The following TMEM132C variants were observed in gnomAD, a reference collection of about 807,000 sequenced individuals.
The protein encoded by TMEM132C is transmembrane protein 132C.
TMEM132C carries 29 observed loss-of-function variants against 61.4 expected under a neutral mutation model. The ratio of observed to expected loss-of-function variants is 0.47; its 90% confidence interval spans 0.35 to 0.64. The LOEUF (loss-of-function observed/expected upper bound fraction) is 0.64. Among genes scored for constraint, TMEM132C ranks in the 30% least tolerant of loss-of-function variants. The pLI is 0.00. For missense variants in TMEM132C, 1,408 were observed against 1,476.9 expected, an observed-to-expected ratio of 0.95 and a Z score of 0.76; for synonymous variants, 656 against 633.1, an observed-to-expected ratio of 1.04 and a Z score of -0.54.
chr12:128,390,568 C>A (rs1404232343), intron 1 of TMEM132C, among the ~76,000 whole-genome samples: 1 of 152,208 alleles, frequency 6.6e-6, no homozygotes, highest in Non-Finnish European at 1.5e-5. Flanking sequence ...GACTGGCCAC[C>A]TGCCTCCACC....
At chr12:128,435,636 G>A (rs896211847) in intron 2 of TMEM132C, among the ~76,000 whole-genome samples, 3 of 152,128 alleles carry the variant, frequency 2.0e-5, no homozygotes, top group Non-Finnish European at 4.4e-5. Context: ...ACTGCTCAAC[G>A]AAATAAAACA....
intron 2 of TMEM132C, among the ~76,000 whole-genome samples, chr12:128,506,951 T>C (rs1872383699): frequency 6.6e-6 from 1 of 152,148 alleles, no homozygotes; most frequent in African/African-American, 2.4e-5. Flanking sequence ...TCTTCAGCAT[T>C]GTGAACTAGT....
At chr12:128,614,095 C>T (rs1200701315) in intron 3 of TMEM132C, among the ~76,000 whole-genome samples, 1 of 152,152 alleles carries the variant, frequency 6.6e-6, no homozygotes, top group African/African-American at 2.4e-5. Context: ...AACCCTGGCC[C>T]CCCTACAAAC....
At chr12:128,496,114 A>G (rs1277480217) in intron 2 of TMEM132C, among the ~76,000 whole-genome samples, 3 of 152,046 alleles carry the variant, frequency 2.0e-5, no homozygotes, top group Non-Finnish European at 4.4e-5. Flanking sequence ...CTGGATATGA[A>G]ATTCTGGGTT....
rs10847662 is a variant in TMEM132C, at chr12:128,665,623, A to G, written c.1306-3794A>G. Reference sequence around the variant, plus strand: ...CACTCACACATACCCAAACACAGGCACACACACACACACACACACACCCAG... The same window carrying G: ...CACTCACACATACCCAAACACAGGCGCACACACACACACACACACACCCAG... On this transcript the variant is annotated intron_variant, in intron 4 of 8. Transcript: ENST00000435159. Among the ~76,000 whole-genome samples the G allele has an allele frequency of 1.6e-3, 165 of 100,324 alleles. 1 individual carries two copies. Among genetic ancestry groups the G allele is most frequent in the Middle Eastern group, 5.5e-3 (1 of 182 alleles). The allele number at this position is 100,324 out of a possible 152,430, so 65.8% of individuals were successfully genotyped here.
intron 2 of TMEM132C, among the ~76,000 whole-genome samples, chr12:128,453,988 GAGGCAAAAGACC>G (rs1480900367): frequency 6.6e-6 from 1 of 152,184 alleles, no homozygotes; most frequent in Non-Finnish European, 1.5e-5. Flanking sequence ...GGTACAGAAG[GAGGCAAAAGACC>G]TAACATGAAA....
At chr12:128,493,616 C>A (rs1370276195) in intron 2 of TMEM132C, among the ~76,000 whole-genome samples, 2 of 152,058 alleles carry the variant, frequency 1.3e-5, no homozygotes, top group Admixed American at 6.6e-5. Context: ...GAAGCAATTG[C>A]AAATTGGAGT....
Position 128,375,883 on chromosome 12 carries a change from G to A in TMEM132C, c.86-38849G>A, listed in dbSNP as rs114009119. On this transcript the variant is annotated intron_variant, in intron 1 of 8. Transcript: ENST00000435159. ...GCAAGAGCGAGGGTGGCATATCCAG[G>A]GTGGCCACTGGGTCTGGAGTGTCAG... 9.9e-3 allele frequency among the ~76,000 whole-genome samples: 1,505 copies of A among 152,296 alleles called. 18 individuals are homozygous for A. The highest frequency in any genetic ancestry group is 0.033 in the African/African-American group (1,391 of 41,548).
chr12:128,345,029 A>C (rs1462228874), intron 1 of TMEM132C, among the ~76,000 whole-genome samples: 1 of 149,902 alleles, frequency 6.7e-6, no homozygotes, highest in African/African-American at 2.5e-5. Flanking sequence ...TCCAGCATCC[A>C]TTAGCTATTC....
chr12:128,575,243 G>T (rs914308212), intron 3 of TMEM132C, among the ~76,000 whole-genome samples: 1 of 152,308 alleles, frequency 6.6e-6, no homozygotes, highest in Admixed American at 6.5e-5. Context: ...ACTTTGGGGG[G>T]GCCAAGGCAG....
At chr12:128,645,447 G>C (rs186893306) in intron 4 of TMEM132C, among the ~76,000 whole-genome samples, 1 of 152,234 alleles carries the variant, frequency 6.6e-6, no homozygotes, top group East Asian at 1.9e-4. Context: ...ATTCTGTGGG[G>C]CACCCGAGAT....
intron 3 of TMEM132C, among the ~76,000 whole-genome samples, chr12:128,584,296 T>C (rs922254149): frequency 1.3e-5 from 2 of 152,190 alleles, no homozygotes; most frequent in African/African-American, 4.8e-5. Context: ...TGGAGTTCTA[T>C]GCATGAAAGT....
In TMEM132C at chr12:128,686,635, G is replaced by A. The variant is rs192756283; in HGVS notation, c.1450-7194G>A. Among the ~76,000 whole-genome samples, 17 of 152,220 alleles carry A rather than the reference G, an allele frequency of 1.1e-4. No individual in the cohort carries two copies. The East Asian group carries it at 3.1e-3, about 28-fold the overall frequency. On this transcript the variant is annotated intron_variant, in intron 5 of 8. Coordinates refer to ENST00000435159, the MANE Select transcript of TMEM132C (RefSeq NM_001136103.3). ...ACACTGTGTAGGCCAAATGTGATGG[G>A]AGGCCACCAGTTTGCAAGCTCTGAT...
At chr12:128,395,502 A>G (rs1874918903) in intron 1 of TMEM132C, among the ~76,000 whole-genome samples, 1 of 152,342 alleles carries the variant, frequency 6.6e-6, no homozygotes, top group South Asian at 2.1e-4. Context: ...AATTGAAAAT[A>G]TTCTAAGTTT....
chr12:128,538,522 G>C (rs1356992970), intron 2 of TMEM132C, among the ~76,000 whole-genome samples: 8 of 152,116 alleles, frequency 5.3e-5, no homozygotes, highest in Middle Eastern at 3.2e-3. Context: ...CCAAAGTTCT[G>C]GGATTACAAG....
Position 128,705,313 on chromosome 12 carries a change from C to A in TMEM132C, c.2345C>A (p.Ser782Tyr). 2 of 1,551,334 alleles carry A rather than the reference C, an allele frequency of 1.3e-6. No homozygotes were observed. The highest frequency in any genetic ancestry group is 1.7e-6 in the Non-Finnish European group (2 of 1,146,778). The change falls in exon 9 of 9, where the codon TCT (serine) becomes TAT (tyrosine). Residue 782 changes from serine to tyrosine, a missense_variant. Coordinates refer to ENST00000435159, the MANE Select transcript of TMEM132C (RefSeq NM_001136103.3). ...ACGATCGCCGAGGCCTGCCAGAAAT[C>A]TAAACGCAAGAGCATCCTGGCTGTG... ...DMTIAEACQK[S>Y]KRKSILAVGV... is the part of the protein sequence containing the mutation.
At chr12:128,343,277 A>C (rs938739356) in intron 1 of TMEM132C, among the ~76,000 whole-genome samples, 2 of 152,088 alleles carry the variant, frequency 1.3e-5, no homozygotes, top group East Asian at 3.9e-4. Flanking sequence ...TACAAAAATT[A>C]GCTGGGCATG....
At chr12:128,338,576 C>G (rs1421221612) in intron 1 of TMEM132C, among the ~76,000 whole-genome samples, 2 of 151,908 alleles carry the variant, frequency 1.3e-5, no homozygotes, top group African/African-American at 4.8e-5. Context: ...GCTGGGTGCT[C>G]CCATCACTGT....
chr12:128,699,976 A>G (rs928960497), intron 8 of TMEM132C, among the ~76,000 whole-genome samples: 1 of 152,230 alleles, frequency 6.6e-6, no homozygotes, highest in African/African-American at 2.4e-5. Flanking sequence ...AGAGCAGAGT[A>G]ATACTCTCAC....
Sources: allele counts gnomAD v4.1 joint callset (sites outside exome capture counted in the v4.1 genomes callset), GRCh38; gene constraint gnomAD v4.1.1; transcripts MANE v1.5; gene names NCBI Gene and HGNC (gene_info 2026-07-23, HGNC 2026-07-21).